The following BRI3 variants were observed in gnomAD, a reference collection of about 807,000 sequenced individuals.
The protein encoded by BRI3 is brain protein I3.
In BRI3, 6 loss-of-function variants were observed where a neutral mutation model predicts 12.8. That is an observed-to-expected ratio of 0.47 (90% CI 0.26 to 0.93). The LOEUF is 0.93. BRI3 is among the 40% of genes least tolerant of loss of function. BRI3 has a pLI of 0.15. For missense variants in BRI3, 134 were observed against 171.1 expected (o/e 0.78, Z 1.21); for synonymous variants, 91 against 76.1 (o/e 1.20, Z -1.02).
downstream of BRI3, chr7:98,293,584 G>C (rs371322722): frequency 5.1e-5 from 82 of 1,613,738 alleles, no homozygotes; most frequent in Non-Finnish European, 5.8e-5. Flanking sequence ...CAGTGGCAAA[G>C]GGGTTTTCTC....
chr7:98,302,624 T>C (rs1800474951), upstream of BRI3, among the ~76,000 whole-genome samples: 2 of 152,088 alleles, frequency 1.3e-5, no homozygotes, highest in African/African-American at 4.8e-5. Flanking sequence ...AAAATCCAGA[T>C]GGGGGACACC....
chr7:98,317,838 G>A, the BRI3 span, among the ~76,000 whole-genome samples: 4 of 147,972 alleles, frequency 2.7e-5, no homozygotes, highest in African/African-American at 7.6e-5. Context: ...TCACCCCGTA[G>A]TTCACACCAT....
At chr7:98,322,411 C>A in the BRI3 span, among the ~76,000 whole-genome samples, 1 of 152,150 alleles carries the variant, frequency 6.6e-6, no homozygotes. Context: ...GGCTGCCCTG[C>A]ATTCTCTAAT....
downstream of BRI3, among the ~76,000 whole-genome samples, chr7:98,295,912 G>A (rs1304194458): frequency 6.6e-6 from 1 of 152,204 alleles, no homozygotes; most frequent in Admixed American, 6.5e-5. Context: ...GATGACAGCT[G>A]GAAGCCACTC....
chr7:98,310,519 G>A (rs1285348582), downstream of BRI3: 2 of 1,605,858 alleles, frequency 1.2e-6, no homozygotes. Context: ...CAAGGGACTG[G>A]TATATGCTCT....
At chr7:98,321,774 G>A in the BRI3 span, among the ~76,000 whole-genome samples, 1 of 152,168 alleles carries the variant, frequency 6.6e-6, no homozygotes, top group Admixed American at 6.5e-5. Flanking sequence ...TGTGCCGGCG[G>A]ACCATCCTAC....
chr7:98,317,248 C>G, the BRI3 span: 3 of 1,614,190 alleles, frequency 1.9e-6, no homozygotes, highest in Admixed American at 5.0e-5. Flanking sequence ...TATTTGAGTG[C>G]GTTTCGGCTT....
In BRI3 at chr7:98,281,706, G is replaced by C; in HGVS notation, c.-90G>C. On this transcript the variant is annotated 5_prime_UTR_variant, in exon 1 of 3. Coordinates refer to ENST00000297290, the MANE Select transcript of BRI3 (RefSeq NM_015379.5). ...GCCTCAGAGGGGCCCGAGCCACCCGGTCCGCCGCGTCCCCGCCGCCGCCGC... is the reference window on the plus strand; with the variant it reads ...GCCTCAGAGGGGCCCGAGCCACCCGCTCCGCCGCGTCCCCGCCGCCGCCGC... 5 of 642,500 alleles carry C rather than the reference G, an allele frequency of 7.8e-6. No individual in the cohort carries two copies. Among genetic ancestry groups the C allele is most frequent in the Non-Finnish European group, 9.6e-6 (5 of 519,034 alleles). The allele number at this position is 642,500 out of a possible 1,614,324, so 39.8% of individuals were successfully genotyped here. A position where few individuals can be genotyped will look rare whatever the true frequency, so the allele number is the denominator to read the frequency against.
chr7:98,292,947 G>A (rs1800031723), downstream of BRI3: 2 of 1,251,552 alleles, frequency 1.6e-6, no homozygotes, highest in Non-Finnish European at 2.0e-6. Flanking sequence ...TACAGCTCTG[G>A]CGTGGTTGGA....
intron 2 of BRI3, among the ~76,000 whole-genome samples, chr7:98,290,338 G>A (rs1317322351): frequency 6.6e-6 from 1 of 151,864 alleles, no homozygotes; most frequent in African/African-American, 2.4e-5. Flanking sequence ...TGGGACTACA[G>A]GCGCCCGCCA....
chr7:98,293,825 G>C (rs919210099), downstream of BRI3, among the ~76,000 whole-genome samples: 1 of 152,228 alleles, frequency 6.6e-6, no homozygotes, highest in Non-Finnish European at 1.5e-5. Flanking sequence ...TCTGGACGTG[G>C]GCACCCACAC....
chr7:98,312,020 A>G (rs555935058), downstream of BRI3: 10 of 1,447,890 alleles, frequency 6.9e-6, no homozygotes, highest in African/African-American at 1.4e-4. Flanking sequence ...TGTGATTCCC[A>G]CCAACACAGG....
At chr7:98,320,356 A>G in the BRI3 span, 11 of 1,379,378 alleles carry the variant, frequency 8.0e-6, no homozygotes, top group African/African-American at 7.3e-5. Flanking sequence ...TTGTTTTGAA[A>G]TGGAGTTTTT....
chr7:98,315,822 T>TTATCAA, the BRI3 span, among the ~76,000 whole-genome samples: 1 of 152,216 alleles, frequency 6.6e-6, no homozygotes, highest in African/African-American at 2.4e-5. Flanking sequence ...AGAGAGAAGT[T>TTATCAA]GCCCAAGGGC....
At chr7:98,300,717 G>A (rs1351312707) in intron 1 of BRI3, among the ~76,000 whole-genome samples, 1 of 152,092 alleles carries the variant, frequency 6.6e-6, no homozygotes, top group Non-Finnish European at 1.5e-5. Context: ...GGGTGTGAAG[G>A]TACGAAAGAC....
chr7:98,295,232 T>C (rs1454443217), downstream of BRI3, among the ~76,000 whole-genome samples: 1 of 152,128 alleles, frequency 6.6e-6, no homozygotes, highest in Non-Finnish European at 1.5e-5. Context: ...GCATGTTGGG[T>C]GTACAGGCTG....
chr7:98,308,316 G>T (rs1406533837), exon 2 of BRI3: 1 of 459,112 alleles, frequency 2.2e-6, no homozygotes, highest in East Asian at 6.9e-5. Context: ...TGTCCACAAA[G>T]AAAAGAAGAA....
At chr7:98,293,069 TG>T, downstream of BRI3, 7 of 733,142 alleles carry the variant, frequency 9.5e-6, no homozygotes, top group Non-Finnish European at 8.6e-6. Flanking sequence ...ATGATTTGCA[TG>T]CTAAGATGCA....
chr7:98,285,800 C>T (rs1489055289), intron 2 of BRI3, among the ~76,000 whole-genome samples: 1 of 152,156 alleles, frequency 6.6e-6, no homozygotes, highest in Non-Finnish European at 1.5e-5. Context: ...GGCAGCTCCC[C>T]TGTGGGGAGT....
Sources: gnomAD v4.1 joint callset for allele counts (sites outside exome capture counted in the v4.1 genomes callset) on GRCh38, gnomAD v4.1.1 for gene constraint, MANE v1.5 for transcripts, NCBI Gene and HGNC (gene_info 2026-07-23, HGNC 2026-07-21) for gene names.